The following TLN1 variants were observed in gnomAD, a reference collection of about 807,000 sequenced individuals.
The protein encoded by TLN1 is talin-1.
A neutral mutation model predicts 292.3 loss-of-function variants in TLN1; 56 were observed. The ratio of observed to expected loss-of-function variants is 0.19; its 90% confidence interval spans 0.15 to 0.24. The LOEUF (loss-of-function observed/expected upper bound fraction) is 0.24, where lower values mean the gene tolerates loss of function less well. TLN1 is among the 10% of genes least tolerant of loss of function. The pLI is 1.00. For synonymous variants in TLN1, 1,119 were observed against 1,253.7 expected, an observed-to-expected ratio of 0.89 and a Z score of 2.27; for missense variants, 2,433 against 3,248.2, an observed-to-expected ratio of 0.75 and a Z score of 6.10.
intron 43 of TLN1, 31 bp downstream of exon 43, chr9:35,705,519 AG>A: frequency 1.3e-6 from 2 of 1,539,766 alleles, no homozygotes. Flanking sequence ...AACAAGGGGC[AG>A]GGGGCAGGGC....
chr9:35,722,070 G>A (rs200039791), intron 9 of TLN1, 49 bp downstream of exon 9: 2 of 1,535,294 alleles, frequency 1.3e-6, no homozygotes, highest in South Asian at 2.2e-5. Flanking sequence ...AGACAGAAAA[G>A]GGCAAGAGTG....
In TLN1 at chr9:35,719,868, G is replaced by A; in HGVS notation, c.1465-15C>T. Reference sequence around the variant, plus strand: ...TGGGCTGAAGTCTAAAGACAAGTGGGGAGAAACAGGGACTGGAATGGATGT... The same window carrying A: ...TGGGCTGAAGTCTAAAGACAAGTGGAGAGAAACAGGGACTGGAATGGATGT... On this transcript the variant is annotated splice_polypyrimidine_tract_variant and intron_variant, in intron 13 of 56. Coordinates refer to ENST00000314888, the MANE Select transcript of TLN1 (RefSeq NM_006289.4). This position sits in a 1 kb window ranked among gnomAD's most constrained non-coding sequence, Gnocchi z 4.6. 6.4e-7 allele frequency: 1 copy of A among 1,574,758 alleles called. No homozygotes were observed. Among genetic ancestry groups the A allele is most frequent in the Non-Finnish European group, 8.6e-7 (1 of 1,159,146 alleles).
chr9:35,723,065 A>G, intron 7 of TLN1, 144 bp from the exon 8 acceptor site: 1 of 627,828 alleles, frequency 1.6e-6, no homozygotes, highest in Non-Finnish European at 2.8e-6. Context: ...AATAGAGTCT[A>G]GATTATCTTC....
rs1028247252 is a variant in TLN1 at position 35,720,230 on chromosome 9, G to A, written c.1284-11C>T. ...TGCAGGACTGTTGACCTGTAGAGGGGTGAACTATTGAGCTCACAGAGGACT... is the reference window on the plus strand; with the variant it reads ...TGCAGGACTGTTGACCTGTAGAGGGATGAACTATTGAGCTCACAGAGGACT... On this transcript the variant is annotated splice_polypyrimidine_tract_variant and intron_variant, in intron 12 of 56. Coordinates refer to ENST00000314888, the MANE Select transcript of TLN1 (RefSeq NM_006289.4). 2 of 1,569,152 alleles carry A rather than the reference G, an allele frequency of 1.3e-6. No individual in the cohort carries two copies.
chr9:35,698,794 A>AT lies in TLN1; in HGVS notation c.7125+13dup. The AT allele has an allele frequency of 3.1e-6, 5 of 1,613,858 alleles. No individual in the cohort carries two copies. Among genetic ancestry groups the AT allele is most frequent in the Non-Finnish European group, 4.2e-6 (5 of 1,179,784 alleles). On this transcript the variant is annotated intron_variant, in intron 53 of 56. Coordinates refer to ENST00000314888, the MANE Select transcript of TLN1 (RefSeq NM_006289.4). This position sits in a 1 kb window ranked among gnomAD's most constrained non-coding sequence, Gnocchi z 5.3. The stretch of plus-strand genomic sequence containing the variant: ...CCAACCTGTCCCCATTCTTCTGGGT[A>AT]TTTAAGCACTCACCTTCCCTTGGGC...
Position 35,724,712 on chromosome 9 carries a change from T to C in TLN1, c.371A>G (p.His124Arg), listed in dbSNP as rs1372073790. ...TICARIGITN[H>R]DEYSLVRELM... The stretch of plus-strand genomic sequence containing the variant: ...CTCTCGAACCAATGAATATTCATCA[T>C]GATTGGTGATGCCTGAGGAAGGAGA... Residue 124 changes from histidine (H) to arginine (R), a missense_variant, in exon 5 of 57, where the codon CAT becomes CGT. Coordinates refer to ENST00000314888, the MANE Select transcript of TLN1 (RefSeq NM_006289.4). The surrounding 1 kb of genome is among the most constrained non-coding windows in gnomAD (Gnocchi z 4.7). 1 of 1,614,200 alleles carries C rather than the reference T, an allele frequency of 6.2e-7. No individual in the cohort carries two copies. Among genetic ancestry groups the C allele is most frequent in the South Asian group, 1.1e-5 (1 of 91,086 alleles).
chr9:35,708,438 T>C lies in TLN1; in HGVS notation c.4373A>G (p.Gln1458Arg). 1 of 1,605,896 alleles carries C rather than the reference T, an allele frequency of 6.2e-7. No individual in the cohort carries two copies. The highest frequency in any genetic ancestry group is 8.5e-7 in the Non-Finnish European group (1 of 1,175,186). ...CTGTGTGGGCTCCACTAGCCCTTGC[T>C]GTCCAGCTTGGCTATTGGGGTCAGA... ...GVSDPNSQAG[Q>R]QGLVEPTQFA... The change falls in exon 34 of 57, where the codon CAG becomes CGG. Residue 1458 changes from glutamine to arginine, a missense_variant. Gln to Arg is a conservative substitution (Grantham distance 43). This residue lies in a region of TLN1 where 1,384 missense variants were observed against 1,699.6 expected (regional missense o/e 0.81). Coordinates refer to ENST00000314888, the MANE Select transcript of TLN1 (RefSeq NM_006289.4).
At position 35,703,541 on chromosome 9, in the gene TLN1, G is replaced by T; in HGVS notation, c.6474+19C>A. 1 of 1,607,646 alleles carries T rather than the reference G, an allele frequency of 6.2e-7. No homozygotes were observed. Among genetic ancestry groups the T allele is most frequent in the Non-Finnish European group, 8.5e-7 (1 of 1,174,178 alleles). On this transcript the variant is annotated intron_variant, in intron 48 of 56. Coordinates refer to ENST00000314888, the MANE Select transcript of TLN1 (RefSeq NM_006289.4). The stretch of plus-strand genomic sequence containing the variant: ...CCTCTCTCTGACCCTAGTCACTGAT[G>T]CCCCAGACTCTCACTCACCGCCAGC...
intron 11 of TLN1, 88 bp downstream of exon 11, chr9:35,720,724 C>G (rs1370054066): frequency 4.3e-5 from 57 of 1,340,070 alleles, no homozygotes; most frequent in Non-Finnish European, 5.7e-5. Context: ...CTCCCAGGTT[C>G]AAGCAATCTG....
rs541546687 is a variant in TLN1, at chr9:35,728,717, C to T, written c.-33-2990G>A. On this transcript the variant is annotated intron_variant, in intron 1 of 56. Transcript: ENST00000314888. ...AGATAACCTCCATAACAAGCACACCCGGCACCCAGTGTCTCTCCTCCCATT... is the reference window on the plus strand; with the variant it reads ...AGATAACCTCCATAACAAGCACACCTGGCACCCAGTGTCTCTCCTCCCATT... 2.6e-5 allele frequency among the ~76,000 whole-genome samples: 4 copies of T among 152,288 alleles called. No homozygotes were observed. In the South Asian group the frequency reaches 6.2e-4, roughly 24 times the overall value.
intron 1 of TLN1, among the ~76,000 whole-genome samples, chr9:35,726,188 G>A (rs1012255831): frequency 2.0e-5 from 3 of 152,194 alleles, no homozygotes; most frequent in Non-Finnish European, 2.9e-5. Context: ...GATTACAGGC[G>A]TGAGCCACCA....
intron 30 of TLN1, 42 bp downstream of exon 30, chr9:35,711,213 C>G: frequency 6.2e-7 from 1 of 1,613,472 alleles, no homozygotes; most frequent in African/African-American, 1.3e-5. Flanking sequence ...TCCCCAGTCT[C>G]TCTCACACAG....
At chr9:35,725,158 CAGG>C (rs1563947549) in intron 3 of TLN1, 63 bp downstream of exon 3, 2 of 1,578,938 alleles carry the variant, frequency 1.3e-6, no homozygotes, top group East Asian at 4.5e-5. Context: ...GTGCTGAAAA[CAGG>C]AGGTGGAACA....
At position 35,708,070 on chromosome 9, in the gene TLN1, C is replaced by A. The variant is rs527301957; in HGVS notation, c.4471-178G>T. The A allele has an allele frequency of 1.3e-3, 993 of 773,300 alleles. 2 individuals carry two copies. The highest frequency in any genetic ancestry group is 1.9e-3 in the Non-Finnish European group (954 of 497,200). The allele number at this position is 773,300 out of a possible 1,614,324, so 47.9% of individuals were successfully genotyped here. A position where few individuals can be genotyped will look rare whatever the true frequency, so the allele number is the denominator to read the frequency against. ...CAGAGATACCCAAAGATGAACTGGG[C>A]ATGGGAGAGGAAAGACATACTAATG... On this transcript the variant is annotated intron_variant, in intron 34 of 56. Coordinates refer to ENST00000314888, the MANE Select transcript of TLN1 (RefSeq NM_006289.4).
chr9:35,702,980 G>A (rs531799583), intron 48 of TLN1, among the ~76,000 whole-genome samples: 63 of 152,300 alleles, frequency 4.1e-4, no homozygotes, highest in South Asian at 2.3e-3. Context: ...CACATGCTAA[G>A]GAATAAACAA....
intron 1 of TLN1, among the ~76,000 whole-genome samples, chr9:35,730,452 T>C: frequency 6.6e-6 from 1 of 151,544 alleles, no homozygotes; most frequent in East Asian, 1.9e-4. Flanking sequence ...GATCTACAAA[T>C]GGTCCAAGAA....
At chr9:35,720,014 A>C in intron 13 of TLN1, 25 bp downstream of exon 13, 1 of 1,577,640 alleles carries the variant, frequency 6.3e-7, no homozygotes, top group Non-Finnish European at 8.6e-7. Context: ...GGGCCCTGGC[A>C]CCGTGGTGGA....
Position 35,710,784 on chromosome 9 carries a change from T to C in TLN1, c.4203+13A>G. On this transcript the variant is annotated intron_variant, in intron 32 of 56. Coordinates refer to ENST00000314888, the MANE Select transcript of TLN1 (RefSeq NM_006289.4). ...TACTGCCCTCTCTCCTCCGAGTTCC[T>C]GGCTGTGCTGACCTTTGAGTTCTCC... The C allele has an allele frequency of 6.2e-7, 1 of 1,614,222 alleles. No individual in the cohort carries two copies. Among genetic ancestry groups the C allele is most frequent in the Non-Finnish European group, 8.5e-7 (1 of 1,180,004 alleles).
chr9:35,717,470 G>C lies in TLN1; in HGVS notation c.2164-30C>G. On this transcript the variant is annotated intron_variant, in intron 18 of 56. Coordinates refer to ENST00000314888, the MANE Select transcript of TLN1 (RefSeq NM_006289.4). This position sits in a 1 kb window ranked among gnomAD's most constrained non-coding sequence, Gnocchi z 4.7. ...AGGTAAAGTGAATGTCAGAGACGTA[G>C]GCAAGGGAAAGGAGGTAGAGTATGC... 6.2e-7 allele frequency: 1 copy of C among 1,602,038 alleles called. No individual in the cohort carries two copies. The highest frequency in any genetic ancestry group is 8.5e-7 in the Non-Finnish European group (1 of 1,171,428).
Sources: allele counts gnomAD v4.1 joint callset (sites outside exome capture counted in the v4.1 genomes callset), GRCh38; gene constraint gnomAD v4.1.1; regional missense constraint gnomAD v4.1.1; non-coding constraint Gnocchi (gnomAD v3.1); transcripts MANE v1.5; gene names NCBI Gene and HGNC (gene_info 2026-07-23, HGNC 2026-07-21).